Variants in ARFGEF1 observed in about 807,000 individuals in gnomAD.
ARFGEF1 encodes the protein ARF guanine nucleotide exchange factor 1, also known as brefeldin A-inhibited guanine nucleotide-exchange protein 1.
In ARFGEF1, 42 loss-of-function variants were observed where a neutral mutation model predicts 231.0. The observed-to-expected ratio is 0.18, with a 90% confidence interval of 0.14 to 0.24. The LOEUF (loss-of-function observed/expected upper bound fraction) is 0.24. Among genes scored for constraint, ARFGEF1 ranks in the 10% least tolerant of loss-of-function variants. The pLI is 1.00. For synonymous variants in ARFGEF1, 710 were observed against 732.3 expected, an observed-to-expected ratio of 0.97 and a Z score of 0.49; for missense variants, 1,345 against 2,192.0, an observed-to-expected ratio of 0.61 and a Z score of 7.72.
chr8:67,298,932 AT>A (rs1563898948), intron 4 of ARFGEF1, among the ~76,000 whole-genome samples: 1 of 151,932 alleles, frequency 6.6e-6, no homozygotes, highest in Non-Finnish European at 1.5e-5. Context: ...TGCCCAGCTA[AT>A]TTTTTTGGTA....
chr8:67,221,789 A>G (rs962913747), intron 29 of ARFGEF1, among the ~76,000 whole-genome samples: 1 of 150,088 alleles, frequency 6.7e-6, no homozygotes, highest in Admixed American at 6.6e-5. Context: ...AGTGCCCTAT[A>G]TGGGTTTTTG....
At chr8:67,204,427 G>A (rs1444534401) in intron 35 of ARFGEF1, among the ~76,000 whole-genome samples, 5 of 152,046 alleles carry the variant, frequency 3.3e-5, no homozygotes, top group Admixed American at 6.6e-5. Flanking sequence ...ATGGATTCTC[G>A]TCTTCAGTCT....
chr8:67,214,656 G>A (rs1054308576), intron 33 of ARFGEF1, among the ~76,000 whole-genome samples: 1 of 152,138 alleles, frequency 6.6e-6, no homozygotes, highest in African/African-American at 2.4e-5. Context: ...GCAGAAGCCA[G>A]GAACATAACA....
At chr8:67,185,733 A>G (rs540124801) in intron 5 of ARFGEF1, among the ~76,000 whole-genome samples, 3 of 152,172 alleles carry the variant, frequency 2.0e-5, no homozygotes, top group African/African-American at 7.2e-5. Context: ...GCTGCTGAAG[A>G]TGATGAAGAT....
At chr8:67,275,947 T>C in intron 9 of ARFGEF1, 29 bp downstream of exon 9, 1 of 1,611,486 alleles carries the variant, frequency 6.2e-7, no homozygotes, top group Non-Finnish European at 8.5e-7. Context: ...AAAACCTCTA[T>C]TTGTCAGGCA....
chr8:67,213,437 G>A (rs1838819276), intron 33 of ARFGEF1, among the ~76,000 whole-genome samples: 1 of 152,106 alleles, frequency 6.6e-6, no homozygotes, highest in Non-Finnish European at 1.5e-5. Context: ...GGGAGGCAGG[G>A]TAGCAAGATA....
chr8:67,239,859 G>A (rs533543727), intron 20 of ARFGEF1, among the ~76,000 whole-genome samples: 88 of 151,946 alleles, frequency 5.8e-4, no homozygotes, highest in African/African-American at 2.0e-3. Flanking sequence ...TATTTTATTC[G>A]TTTAAACAAG....
chr8:67,296,980 C>T (rs1806264022), intron 4 of ARFGEF1, among the ~76,000 whole-genome samples: 1 of 152,094 alleles, frequency 6.6e-6, no homozygotes, highest in South Asian at 2.1e-4. Context: ...TCTAGAGTTT[C>T]AGCACAAAAA....
intron 22 of ARFGEF1, among the ~76,000 whole-genome samples, chr8:67,235,619 C>T (rs575572514): frequency 6.6e-6 from 1 of 152,002 alleles, no homozygotes; most frequent in Admixed American, 6.5e-5. Flanking sequence ...ACCTGAAGCC[C>T]GGAGTTTGAA....
intron 7 of ARFGEF1, among the ~76,000 whole-genome samples, chr8:67,287,026 A>G (rs1805788516): frequency 6.6e-6 from 1 of 152,204 alleles, no homozygotes; most frequent in Non-Finnish European, 1.5e-5. Flanking sequence ...TCAAAAACTG[A>G]AACACTACCT....
intron 7 of ARFGEF1, among the ~76,000 whole-genome samples, chr8:67,281,699 A>G (rs1384840302): frequency 2.0e-5 from 3 of 152,116 alleles, no homozygotes; most frequent in Admixed American, 6.5e-5. Flanking sequence ...TAGCCAAATG[A>G]AAAACTTTTA....
chr8:67,282,433 G>T (rs1805572358), intron 7 of ARFGEF1, among the ~76,000 whole-genome samples: 1 of 152,054 alleles, frequency 6.6e-6, no homozygotes, highest in Non-Finnish European at 1.5e-5. Flanking sequence ...TTAGAAAAAG[G>T]TATCTTAGTG....
intron 36 of ARFGEF1, 59 bp from the exon 37 acceptor site, chr8:67,201,664 A>G: frequency 6.2e-7 from 1 of 1,604,500 alleles, no homozygotes; most frequent in Non-Finnish European, 8.5e-7. Flanking sequence ...TAAAGGTGAA[A>G]CAGCCCGTAT....
chr8:67,201,249 G>GA (rs1386004204), intron 37 of ARFGEF1, among the ~76,000 whole-genome samples: 1 of 152,158 alleles, frequency 6.6e-6, no homozygotes, highest in African/African-American at 2.4e-5. Flanking sequence ...TTTTAAAACA[G>GA]AAAACCTCCT....
In ARFGEF1 at chr8:67,224,892, TAGA is replaced by T; in HGVS notation, c.4208+8_4208+10del. Reference sequence around the variant, plus strand: ...AAATCCAAAATTTTAATTACAAATATAGATTGTTACCTGGTTCTTACATCTAAT... The same window carrying T: ...AAATCCAAAATTTTAATTACAAATATTTGTTACCTGGTTCTTACATCTAAT... On this transcript the variant is annotated splice_region_variant and intron_variant, in intron 29 of 38. Coordinates refer to ENST00000262215, the MANE Select transcript of ARFGEF1 (RefSeq NM_006421.5). 6.6e-7 allele frequency: 1 copy of T among 1,518,454 alleles called. No individual in the cohort carries two copies. The highest frequency in any genetic ancestry group is 1.3e-5 in the South Asian group (1 of 74,506). The allele number at this position is 1,518,454 out of a possible 1,614,324, so 94.1% of individuals were successfully genotyped here.
chr8:67,303,921 A>G (rs555681854), intron 1 of ARFGEF1, among the ~76,000 whole-genome samples: 7 of 152,318 alleles, frequency 4.6e-5, no homozygotes, highest in African/African-American at 1.4e-4. Flanking sequence ...GTGTACTATT[A>G]TATCTTCATT....
At position 67,218,046 on chromosome 8, in the gene ARFGEF1, A is replaced by G; in HGVS notation, c.4431T>C (p.Leu1477=). 6.2e-7 allele frequency: 1 copy of G among 1,612,332 alleles called. No homozygotes were observed. Among genetic ancestry groups the G allele is most frequent in the East Asian group, 2.2e-5 (1 of 44,848 alleles). The change falls in exon 31 of 39, where the codon CTT becomes CTC. Residue 1477 remains leucine (L), a synonymous_variant. Transcript: ENST00000262215. The stretch of plus-strand genomic sequence containing the variant: ...AGAGCTGAGCAAAAATGTCATCCAA[A>G]AGTACATCACTGAGTACTTCTAAAT... The part of the protein sequence containing the change: ...TQYLEVLSDV[L]LDDIFAQLYW...
chr8:67,311,628 CCCGCCCAG>C, intron 1 of ARFGEF1, among the ~76,000 whole-genome samples: 1 of 149,870 alleles, frequency 6.7e-6, no homozygotes, highest in East Asian at 2.0e-4. Flanking sequence ...GGTCAGCCCC[CCCGCCCAG>C]CCAGCCGCCC....
chr8:67,215,722 T>TGTG (rs1838904848), intron 33 of ARFGEF1, among the ~76,000 whole-genome samples: 1 of 152,160 alleles, frequency 6.6e-6, no homozygotes, highest in African/African-American at 2.4e-5. Flanking sequence ...TTGGAGGGAA[T>TGTG]GTGGCCCTGC....
Sources: gnomAD v4.1 joint callset for allele counts (sites outside exome capture counted in the v4.1 genomes callset) on GRCh38, gnomAD v4.1.1 for gene constraint, MANE v1.5 for transcripts, NCBI Gene and HGNC (gene_info 2026-07-23, HGNC 2026-07-21) for gene names.